Variants in CPQ observed in about 807,000 individuals in gnomAD.
The protein encoded by CPQ is Ser-Met dipeptidase.
CPQ carries 37 observed loss-of-function variants against 45.7 expected under a neutral mutation model. That is an observed-to-expected ratio of 0.81 (90% CI 0.62 to 1.07). The LOEUF (loss-of-function observed/expected upper bound fraction) is 1.07. Ranked by LOEUF, CPQ falls within the 50% of genes least tolerant of loss-of-function variation. CPQ has a pLI of 0.00. For synonymous variants in CPQ, 186 were observed against 205.8 expected (o/e 0.90, Z 0.82); for missense variants, 537 against 572.9 (o/e 0.94, Z 0.64).
chr8:96,709,565 G>T (rs533020836), intron 1 of CPQ, among the ~76,000 whole-genome samples: 1 of 152,142 alleles, frequency 6.6e-6, no homozygotes, highest in Non-Finnish European at 1.5e-5. Context: ...ACATATGCAT[G>T]CAAGTGTCTT....
At chr8:97,030,777 A>T (rs1039528869) in intron 6 of CPQ, among the ~76,000 whole-genome samples, 1 of 152,224 alleles carries the variant, frequency 6.6e-6, no homozygotes, top group African/African-American at 2.4e-5. Flanking sequence ...ACTGACGATT[A>T]ACTTGAATTA....
At chr8:96,886,287 GCTTTATCC>G (rs1812306444) in intron 4 of CPQ, among the ~76,000 whole-genome samples, 1 of 152,148 alleles carries the variant, frequency 6.6e-6, no homozygotes, top group African/African-American at 2.4e-5. Flanking sequence ...TCTCAAGACA[GCTTTATCC>G]CTGGGAAATC....
chr8:96,989,961 C>T (rs956570841), intron 5 of CPQ, among the ~76,000 whole-genome samples: 1 of 152,108 alleles, frequency 6.6e-6, no homozygotes, highest in South Asian at 2.1e-4. Flanking sequence ...TGGCCCAGGG[C>T]TCTCTGTAGT....
intron 5 of CPQ, among the ~76,000 whole-genome samples, chr8:97,012,017 A>G (rs944138447): frequency 3.6e-4 from 55 of 152,144 alleles, no homozygotes; most frequent in African/African-American, 1.3e-3. Context: ...ACCTACTACA[A>G]TGATGTGGGT....
At chr8:96,949,576 G>A (rs1813232759) in intron 4 of CPQ, among the ~76,000 whole-genome samples, 1 of 152,094 alleles carries the variant, frequency 6.6e-6, no homozygotes, top group African/African-American at 2.4e-5. Context: ...CTGTGCCTGG[G>A]TCTGAATCAC....
intron 1 of CPQ, among the ~76,000 whole-genome samples, chr8:96,752,776 G>T (rs901795831): frequency 9.2e-5 from 14 of 151,970 alleles, no homozygotes; most frequent in Admixed American, 9.2e-4. Context: ...GTCATATATG[G>T]CTCTGATTAT....
chr8:96,915,257 C>G (rs1009207768), intron 4 of CPQ, among the ~76,000 whole-genome samples: 1 of 152,098 alleles, frequency 6.6e-6, no homozygotes. Flanking sequence ...TCTCCTGTGT[C>G]CAAAGCTCCT....
At chr8:96,925,418 C>T (rs1812859661) in intron 4 of CPQ, among the ~76,000 whole-genome samples, 1 of 150,716 alleles carries the variant, frequency 6.6e-6, no homozygotes, top group African/African-American at 2.5e-5. Context: ...GAGTCTCACT[C>T]CATCCCCCAG....
chr8:97,105,139 G>A (rs1811383159), intron 7 of CPQ, among the ~76,000 whole-genome samples: 1 of 151,958 alleles, frequency 6.6e-6, no homozygotes, highest in African/African-American at 2.4e-5. Flanking sequence ...TCGGGTTATA[G>A]CTTAACCTAA....
chr8:96,672,830 GTTTC>G (rs1336499270), intron 1 of CPQ, among the ~76,000 whole-genome samples: 1 of 151,940 alleles, frequency 6.6e-6, no homozygotes, highest in Non-Finnish European at 1.5e-5. Context: ...AGTGAATGTT[GTTTC>G]TTTAAAATTT....
intron 3 of CPQ, among the ~76,000 whole-genome samples, chr8:96,854,559 A>ACACAAAG (rs71267283): frequency 1.5e-5 from 2 of 134,744 alleles, no homozygotes; most frequent in Non-Finnish European, 3.2e-5. Context: ...AAAAAAAAAA[A>ACACAAAG]TGTGGTGGAA....
intron 5 of CPQ, among the ~76,000 whole-genome samples, chr8:97,009,394 T>C (rs1052804940): frequency 3.3e-5 from 5 of 152,188 alleles, no homozygotes; most frequent in African/African-American, 1.2e-4. Context: ...TTGTCCTTAT[T>C]GTAGAAGGTA....
chr8:96,878,595 C>G (rs1422793963), intron 3 of CPQ, among the ~76,000 whole-genome samples: 1 of 152,268 alleles, frequency 6.6e-6, no homozygotes. Flanking sequence ...CTGTTTTTAA[C>G]AATTCTACAT....
chr8:96,734,583 C>T (rs1809955559), intron 1 of CPQ, among the ~76,000 whole-genome samples: 1 of 151,734 alleles, frequency 6.6e-6, no homozygotes, highest in Non-Finnish European at 1.5e-5. Context: ...TGGTGGCAGG[C>T]GCATGGAGTC....
intron 7 of CPQ, among the ~76,000 whole-genome samples, chr8:97,116,431 T>G (rs1811595526): frequency 6.6e-6 from 1 of 152,232 alleles, no homozygotes. Context: ...AGGTCTTAAA[T>G]AAACAGACAC....
intron 7 of CPQ, among the ~76,000 whole-genome samples, chr8:97,085,771 G>A (rs956032027): frequency 1.3e-5 from 2 of 152,102 alleles, no homozygotes; most frequent in African/African-American, 2.4e-5. Context: ...GTTGTTTAAC[G>A]GCTGAAAGAA....
intron 1 of CPQ, among the ~76,000 whole-genome samples, chr8:96,705,912 G>C (rs1356899548): frequency 6.6e-6 from 1 of 152,126 alleles, no homozygotes; most frequent in South Asian, 2.1e-4. Context: ...ATAATGAAGT[G>C]TGTATATTCT....
intron 1 of CPQ, among the ~76,000 whole-genome samples, chr8:96,711,516 T>G (rs1359540095): frequency 6.6e-6 from 1 of 152,136 alleles, no homozygotes; most frequent in Non-Finnish European, 1.5e-5. Context: ...TCAGCATGGC[T>G]GGGGAGGCCT....
At chr8:96,716,905 TCACACACACACACATA>T (rs1809681220) in intron 1 of CPQ, among the ~76,000 whole-genome samples, 1 of 149,150 alleles carries the variant, frequency 6.7e-6, no homozygotes, top group Non-Finnish European at 1.5e-5. Context: ...CAAAACTCCG[TCACACACACACACATA>T]CACACACACA....
Sources: gnomAD v4.1 joint callset for allele counts (sites outside exome capture counted in the v4.1 genomes callset) on GRCh38, gnomAD v4.1.1 for gene constraint, MANE v1.5 for transcripts, NCBI Gene and HGNC (gene_info 2026-07-23, HGNC 2026-07-21) for gene names.